The following CALD1 variants were observed in gnomAD, a reference collection of about 807,000 sequenced individuals.
CALD1 encodes caldesmon.
Under a neutral mutation model 99.9 loss-of-function variants are expected in CALD1, and 33 were observed. The ratio of observed to expected loss-of-function variants is 0.33; its 90% CI spans 0.25 to 0.44. CALD1 has a LOEUF of 0.44. Among genes scored for constraint, CALD1 ranks in the 20% least tolerant of loss-of-function variants. The pLI is 1.00. For missense variants in CALD1, 861 were observed against 962.1 expected (o/e 0.89, Z 1.39); for synonymous variants, 310 against 325.0 (o/e 0.95, Z 0.50).
intron 3 of CALD1, among the ~76,000 whole-genome samples, chr7:134,870,224 G>A (rs1801003257): frequency 6.6e-6 from 1 of 152,210 alleles, no homozygotes; most frequent in Admixed American, 6.5e-5. Context: ...AGGCCAGGGT[G>A]TAGGGGCAGA....
intron 6 of CALD1, among the ~76,000 whole-genome samples, chr7:134,937,903 A>G (rs1417479137): frequency 6.6e-6 from 1 of 152,210 alleles, no homozygotes; most frequent in Non-Finnish European, 1.5e-5. Context: ...TCCAATCATA[A>G]AAAGTCTCTT....
intron 6 of CALD1, among the ~76,000 whole-genome samples, chr7:134,939,957 C>CTT (rs758933441): frequency 2.0e-5 from 3 of 151,832 alleles, no homozygotes; most frequent in Non-Finnish European, 4.4e-5. Flanking sequence ...GAGCAAGACT[C>CTT]TGTCTCTTAA....
At chr7:134,830,193 A>T (rs1169182749) in intron 1 of CALD1, among the ~76,000 whole-genome samples, 3 of 152,150 alleles carry the variant, frequency 2.0e-5, no homozygotes, top group Admixed American at 2.0e-4. Context: ...CATTAAATCC[A>T]CTGTTGATAT....
chr7:134,824,116 T>C (rs938355174), intron 1 of CALD1, among the ~76,000 whole-genome samples: 6 of 152,348 alleles, frequency 3.9e-5, no homozygotes, highest in Non-Finnish European at 8.8e-5. Flanking sequence ...GCAACATTTT[T>C]AATTTTTCAC....
intron 1 of CALD1, among the ~76,000 whole-genome samples, chr7:134,815,446 T>G (rs1400576318): frequency 1.3e-5 from 2 of 152,160 alleles, no homozygotes; most frequent in African/African-American, 2.4e-5. Flanking sequence ...GTCATTGTTC[T>G]TGGATAAGGA....
chr7:134,888,735 C>T lies in CALD1; in HGVS notation c.71+20931C>T, dbSNP rs892391527. 5.5e-4 allele frequency among the ~76,000 whole-genome samples: 84 copies of T among 152,312 alleles called. 1 individual carries two copies. The highest frequency in any genetic ancestry group is 1.9e-3 in the African/African-American group (79 of 41,548). On this transcript the variant is annotated intron_variant, in intron 3 of 14. Transcript: ENST00000361675. Reference sequence around the variant, plus strand: ...TACCAGGTAGCATGAGCTATAACACCACTGGGTTTTACTATCACAAACTGA... The same window carrying T: ...TACCAGGTAGCATGAGCTATAACACTACTGGGTTTTACTATCACAAACTGA...
intron 4 of CALD1, 76 bp from the exon 5 acceptor site, chr7:134,932,912 G>A (rs1805638636): frequency 5.0e-6 from 5 of 1,001,886 alleles, no homozygotes; most frequent in Non-Finnish European, 5.9e-6. Context: ...GTAGTCCTGG[G>A]TAGCACAGGC....
chr7:134,862,596 A>C (rs1800610354), intron 2 of CALD1, among the ~76,000 whole-genome samples: 1 of 152,190 alleles, frequency 6.6e-6, no homozygotes, highest in Non-Finnish European at 1.5e-5. Context: ...TGAGTGGAGC[A>C]GGTGGGGTTT....
At chr7:134,885,373 A>C (rs1801806279) in intron 3 of CALD1, among the ~76,000 whole-genome samples, 2 of 152,284 alleles carry the variant, frequency 1.3e-5, no homozygotes, top group African/African-American at 4.8e-5. Context: ...TGAAACACAT[A>C]ATGGATTATT....
At chr7:134,927,596 T>C (rs1586330738) in intron 3 of CALD1, among the ~76,000 whole-genome samples, 1 of 143,550 alleles carries the variant, frequency 7.0e-6, no homozygotes, top group African/African-American at 2.5e-5. Flanking sequence ...TATATACACA[T>C]GTGAAGTCCT....
intron 1 of CALD1, among the ~76,000 whole-genome samples, chr7:134,752,557 T>G (rs17168018): frequency 3.5e-4 from 53 of 152,096 alleles, no homozygotes; most frequent in African/African-American, 1.2e-3. Context: ...TGTCCATGCA[T>G]GTACAGAGTT....
chr7:134,730,916 C>T, the CALD1 span, among the ~76,000 whole-genome samples: 1 of 152,106 alleles, frequency 6.6e-6, no homozygotes, highest in South Asian at 2.1e-4. Flanking sequence ...CCCACCCCAC[C>T]TATCCTACCT....
the CALD1 span, among the ~76,000 whole-genome samples, chr7:134,711,660 C>CTCTCTCTCTCTCTCTCTATA: frequency 6.4e-5 from 5 of 78,350 alleles, no homozygotes; most frequent in African/African-American, 3.1e-4. Context: ...CTCTCTCTCT[C>CTCTCTCTCTCTCTCTCTATA]TATATATATA....
chr7:134,947,989 C>A, intron 8 of CALD1: 1 of 501,986 alleles, frequency 2.0e-6, no homozygotes, highest in Non-Finnish European at 3.5e-6. Flanking sequence ...GATGAGAAAA[C>A]TGAGGCACAG....
chr7:134,890,881 A>C (rs1041203007), intron 3 of CALD1, among the ~76,000 whole-genome samples: 7 of 152,222 alleles, frequency 4.6e-5, no homozygotes, highest in Non-Finnish European at 8.8e-5. Flanking sequence ...GAGCAGGGCC[A>C]TCTCTCTTCA....
Position 134,787,193 on chromosome 7 carries a change from C to CT in CALD1, c.-130+7452dup, listed in dbSNP as rs1313773443. Among the ~76,000 whole-genome samples the CT allele has an allele frequency of 5.9e-5, 9 of 151,880 alleles. No individual in the cohort carries two copies. The South Asian group carries it at 6.3e-4, about 11-fold the overall frequency. On this transcript the variant is annotated intron_variant, in intron 1 of 14. Transcript: ENST00000361675. ...CAGAAGAGCAAAACCTTTAGTTTTG[C>CT]TTTTTTTTCAGTTTAAGCACAAAGT...
chr7:134,824,465 T>C (rs2132028466), intron 1 of CALD1, among the ~76,000 whole-genome samples: 1 of 152,164 alleles, frequency 6.6e-6, no homozygotes, highest in Non-Finnish European at 1.5e-5. Context: ...CTCCTTCTTC[T>C]CCTTCTCCTT....
chr7:134,711,720 GTGTGTGTCTCTC>G, the CALD1 span, among the ~76,000 whole-genome samples: 10 of 98,694 alleles, frequency 1.0e-4, no homozygotes, highest in African/African-American at 3.2e-4. Context: ...GTGTGTGTGT[GTGTGTGTCTCTC>G]TCTCTGTCTC....
chr7:134,968,632 A>C lies in CALD1; in HGVS notation c.*287A>C. The stretch of plus-strand genomic sequence containing the variant: ...ATCATAACTCTGTATCTGAGCAGTG[A>C]TACCAACCACATCTGAAGTCAACAG... On this transcript the variant is annotated 3_prime_UTR_variant, in exon 15 of 15. Transcript: ENST00000361675. 1 of 644,054 alleles carries C rather than the reference A, an allele frequency of 1.6e-6. No homozygotes were observed. Among genetic ancestry groups the C allele is most frequent in the South Asian group, 1.5e-5 (1 of 65,826 alleles). 39.9% of individuals were successfully genotyped at this position (644,054 alleles called of 1,614,324 possible).
Sources: allele counts gnomAD v4.1 joint callset (sites outside exome capture counted in the v4.1 genomes callset), GRCh38; gene constraint gnomAD v4.1.1; transcripts MANE v1.5; gene names NCBI Gene and HGNC (gene_info 2026-07-23, HGNC 2026-07-21).